SDK1: variants seen among roughly 807,000 people sequenced by gnomAD.
SDK1 encodes the protein sidekick cell adhesion molecule 1.
In SDK1, 157 loss-of-function variants were observed where a neutral mutation model predicts 245.5. The ratio of observed to expected loss-of-function variants is 0.64; its 90% CI spans 0.56 to 0.73. The LOEUF is 0.73. SDK1 is among the 30% of genes least tolerant of loss of function. The pLI is 0.00. For synonymous variants in SDK1, 1,647 were observed against 1,278.5 expected (o/e 1.29, Z -6.15); for missense variants, 3,583 against 3,002.3 (o/e 1.19, Z -4.52).
intron 1 of SDK1, among the ~76,000 whole-genome samples, chr7:3,505,226 G>T (rs547471260): frequency 2.6e-5 from 4 of 151,748 alleles, no homozygotes; most frequent in African/African-American, 7.2e-5. Flanking sequence ...TTGATCTAGG[G>T]TTTACAATAC....
At chr7:3,853,646 C>T (rs1274345543) in intron 5 of SDK1, among the ~76,000 whole-genome samples, 2 of 152,038 alleles carry the variant, frequency 1.3e-5, no homozygotes, top group Non-Finnish European at 2.9e-5. Context: ...AATCCCAAAT[C>T]TGAGATGCCC....
chr7:3,568,110 T>C (rs1779985955), intron 1 of SDK1, among the ~76,000 whole-genome samples: 1 of 152,206 alleles, frequency 6.6e-6, no homozygotes, highest in Admixed American at 6.5e-5. Flanking sequence ...CATGAACCAC[T>C]GTGTCCAACC....
chr7:4,240,852 G>A (rs1786474038), intron 42 of SDK1, among the ~76,000 whole-genome samples: 1 of 152,166 alleles, frequency 6.6e-6, no homozygotes. Flanking sequence ...CTGGGAGAAG[G>A]AGCTTCCAGC....
chr7:3,384,157 T>G (rs1674140944), intron 1 of SDK1, among the ~76,000 whole-genome samples: 1 of 152,158 alleles, frequency 6.6e-6, no homozygotes, highest in Non-Finnish European at 1.5e-5. Flanking sequence ...GGAAGAAAAC[T>G]TTAATATTGT....
At chr7:4,083,744 TC>T (rs67938244) in intron 22 of SDK1, among the ~76,000 whole-genome samples, 2,300 of 4,318 alleles carry the variant, frequency 0.53, 550 homozygotes, top group Middle Eastern at 1. Flanking sequence ...ATCCCTCCCT[TC>T]CTTTACTTCC....
chr7:3,318,703 T>G (rs749964912), intron 1 of SDK1, among the ~76,000 whole-genome samples: 2 of 152,242 alleles, frequency 1.3e-5, no homozygotes, highest in Non-Finnish European at 2.9e-5. Flanking sequence ...TTTTTGAGTT[T>G]TCTTGGCCTG....
rs142076799 is a variant in SDK1, at chr7:3,741,987, CATATATATATATATAT to C, written c.714-79452_714-79437del. On this transcript the variant is annotated intron_variant, in intron 4 of 44. Transcript: ENST00000404826. ...ATTTGTGTTCCCATATTGTAGTGTGCATATATATATATATATATATATATATGCTGTATTTTTAAAC... is the reference window on the plus strand; with the variant it reads ...ATTTGTGTTCCCATATTGTAGTGTGCATATATATATGCTGTATTTTTAAAC... Among the ~76,000 whole-genome samples the C allele has an allele frequency of 5.1e-3, 680 of 132,124 alleles. 11 individuals carry two copies. The highest frequency in any genetic ancestry group is 0.018 in the African/African-American group (611 of 34,724). The allele number at this position is 132,124 out of a possible 152,430, so 86.7% of individuals were successfully genotyped here.
At chr7:3,632,337 G>A (rs577071295) in intron 2 of SDK1, among the ~76,000 whole-genome samples, 1 of 152,284 alleles carries the variant, frequency 6.6e-6, no homozygotes, top group Admixed American at 6.5e-5. Context: ...CACATAAACG[G>A]GAATCCCAGA....
chr7:3,621,172 T>G (rs1042793382), intron 2 of SDK1, among the ~76,000 whole-genome samples: 1 of 152,094 alleles, frequency 6.6e-6, no homozygotes, highest in Non-Finnish European at 1.5e-5. Flanking sequence ...CATGTGACAT[T>G]GTAAGGCTCA....
At chr7:4,192,937 T>C (rs1783294905) in intron 35 of SDK1, among the ~76,000 whole-genome samples, 2 of 150,040 alleles carry the variant, frequency 1.3e-5, no homozygotes, top group South Asian at 4.2e-4. Flanking sequence ...TATATCCCTA[T>C]AATAACTCTT....
At chr7:3,449,744 G>A (rs1488113897) in intron 1 of SDK1, among the ~76,000 whole-genome samples, 1 of 152,174 alleles carries the variant, frequency 6.6e-6, no homozygotes, top group Non-Finnish European at 1.5e-5. Flanking sequence ...TAACTAGTTT[G>A]TTCGTTCATT....
intron 1 of SDK1, among the ~76,000 whole-genome samples, chr7:3,490,853 T>C (rs1343538002): frequency 1.3e-5 from 2 of 152,192 alleles, no homozygotes; most frequent in Non-Finnish European, 2.9e-5. Context: ...TTCTTGGGTG[T>C]TCTTGGAACT....
chr7:4,021,778 C>T (rs765934481), intron 17 of SDK1, among the ~76,000 whole-genome samples: 3 of 152,314 alleles, frequency 2.0e-5, no homozygotes, highest in South Asian at 2.1e-4. Flanking sequence ...AGGCTGGCAA[C>T]GTGGCCTTCC....
intron 44 of SDK1, 88 bp from the exon 45 acceptor site, chr7:4,265,036 G>A: frequency 3.3e-6 from 5 of 1,529,474 alleles, no homozygotes; most frequent in Non-Finnish European, 4.4e-6. Flanking sequence ...CCCCTGGGGA[G>A]GTGCCCCCAC....
At chr7:3,676,450 C>G (rs1269690539) in intron 4 of SDK1, among the ~76,000 whole-genome samples, 2 of 151,936 alleles carry the variant, frequency 1.3e-5, no homozygotes, top group African/African-American at 4.8e-5. Flanking sequence ...CTCAGCTTCC[C>G]AAGTAGCTGG....
intron 22 of SDK1, among the ~76,000 whole-genome samples, chr7:4,091,880 G>A (rs1045586592): frequency 4.6e-5 from 7 of 152,094 alleles, no homozygotes; most frequent in Admixed American, 3.3e-4. Flanking sequence ...CTGGCCACAC[G>A]TTCTTCTGGG....
intron 1 of SDK1, among the ~76,000 whole-genome samples, chr7:3,381,630 A>G (rs577690610): frequency 4.3e-4 from 66 of 152,258 alleles, no homozygotes; most frequent in African/African-American, 1.3e-3. Flanking sequence ...TTTGAGAAGG[A>G]TCCTAGAAGG....
chr7:4,132,272 G>T (rs113227378), intron 27 of SDK1, 53 bp from the exon 28 acceptor site: 5 of 1,396,852 alleles, frequency 3.6e-6, no homozygotes, highest in Admixed American at 1.8e-5. Context: ...AACCTGTCAC[G>T]CACCCAAGGA....
At chr7:4,238,456 T>C (rs1352445840) in intron 42 of SDK1, among the ~76,000 whole-genome samples, 1 of 152,114 alleles carries the variant, frequency 6.6e-6, no homozygotes, top group Non-Finnish European at 1.5e-5. Flanking sequence ...CCTAGTGATT[T>C]TGGAGGCTAA....
Sources: gnomAD v4.1 joint callset for allele counts (sites outside exome capture counted in the v4.1 genomes callset) on GRCh38, gnomAD v4.1.1 for gene constraint, MANE v1.5 for transcripts, NCBI Gene and HGNC (gene_info 2026-07-23, HGNC 2026-07-21) for gene names.